The following STAG1 variants were observed in gnomAD, a reference collection of about 807,000 sequenced individuals.
STAG1 encodes the protein STAG1 cohesin complex component.
STAG1 carries 26 observed loss-of-function variants against 170.9 expected under a neutral mutation model. That is an observed-to-expected ratio of 0.15 (90% confidence interval 0.11 to 0.21). The LOEUF (loss-of-function observed/expected upper bound fraction) is 0.21. STAG1 is among the 10% of genes least tolerant of loss of function. The pLI, the probability that STAG1 is intolerant of heterozygous loss-of-function variation, is 1.00. For missense variants in STAG1, 964 were observed against 1,509.5 expected (o/e 0.64, Z 5.99); for synonymous variants, 514 against 497.7 (o/e 1.03, Z -0.44).
intron 24 of STAG1, 133 bp downstream of exon 24, chr3:136,368,975 G>T: frequency 1.4e-6 from 1 of 699,736 alleles, no homozygotes; most frequent in Non-Finnish European, 2.1e-6. Flanking sequence ...ACTGGTGTCA[G>T]CCACTGCACC....
intron 4 of STAG1, among the ~76,000 whole-genome samples, chr3:136,596,105 T>C (rs1480323469): frequency 1.3e-5 from 2 of 152,216 alleles, no homozygotes; most frequent in African/African-American, 2.4e-5. Context: ...ATTCTGAATA[T>C]TACATAAATT....
chr3:136,378,041 T>G (rs1217071045), intron 22 of STAG1, among the ~76,000 whole-genome samples: 1 of 152,164 alleles, frequency 6.6e-6, no homozygotes, highest in African/African-American at 2.4e-5. Context: ...TTGATTAAAA[T>G]TGCTAGTCAT....
At chr3:136,685,804 A>C (rs1427136698) in intron 1 of STAG1, among the ~76,000 whole-genome samples, 1 of 152,250 alleles carries the variant, frequency 6.6e-6, no homozygotes, top group Non-Finnish European at 1.5e-5. Flanking sequence ...GAGTATCAAA[A>C]TCAAAGTATA....
chr3:136,473,523 C>A lies in STAG1; in HGVS notation c.1125+16G>T. 1 of 1,556,676 alleles carries A rather than the reference C, an allele frequency of 6.4e-7. No homozygotes were observed. Among genetic ancestry groups the A allele is most frequent in the South Asian group, 1.2e-5 (1 of 86,942 alleles). ...AAAGAGAAAAATTAAATAAGCTTAT[C>A]ATTCTTGATGCTTACCTTGAATCGG... On this transcript the variant is annotated intron_variant, in intron 11 of 33. Transcript: ENST00000383202.
At chr3:136,563,691 A>G (rs879889499) in intron 5 of STAG1, among the ~76,000 whole-genome samples, 3 of 151,048 alleles carry the variant, frequency 2.0e-5, no homozygotes, top group Non-Finnish European at 4.4e-5. Flanking sequence ...CATACTGTAG[A>G]TATTATTCTG....
At chr3:136,540,822 C>CAAAAAAAAAAA (rs554338920) in intron 6 of STAG1, among the ~76,000 whole-genome samples, 696 of 46,336 alleles carry the variant, frequency 0.015, 116 homozygotes, top group Non-Finnish European at 0.02. Context: ...ACTGTGTCTC[C>CAAAAAAAAAAA]AAAAAAAAAA....
intron 4 of STAG1, among the ~76,000 whole-genome samples, chr3:136,603,558 T>C (rs1381028836): frequency 1.3e-5 from 2 of 152,174 alleles, no homozygotes; most frequent in East Asian, 3.9e-4. Flanking sequence ...GAATACTTAG[T>C]ATTTATGGAC....
At chr3:136,463,735 A>ATGTGTGTGTGTGTGTG (rs140989476) in intron 13 of STAG1, among the ~76,000 whole-genome samples, 45 of 101,216 alleles carry the variant, frequency 4.4e-4, no homozygotes, top group East Asian at 2.0e-3. Context: ...AAATGTGTAT[A>ATGTGTGTGTGTGTGTG]TGTGTGTGTG....
At chr3:136,361,763 C>T (rs1936870623) in intron 26 of STAG1, among the ~76,000 whole-genome samples, 1 of 152,040 alleles carries the variant, frequency 6.6e-6, no homozygotes, top group Admixed American at 6.6e-5. Context: ...GGGTGCGTGC[C>T]AACACATCTG....
chr3:136,419,776 C>T (rs760838595), intron 20 of STAG1, among the ~76,000 whole-genome samples: 2 of 151,876 alleles, frequency 1.3e-5, no homozygotes, highest in South Asian at 2.1e-4. Context: ...AATCTTATTT[C>T]TTACTTATTA....
intron 28 of STAG1, among the ~76,000 whole-genome samples, chr3:136,350,161 T>C (rs535228922): frequency 6.6e-6 from 1 of 152,084 alleles, no homozygotes; most frequent in African/African-American, 2.4e-5. Flanking sequence ...GAAAATCTAA[T>C]ACATTTTAGC....
At chr3:136,736,533 A>G (rs1195249648) in intron 1 of STAG1, 1 of 1,480,118 alleles carries the variant, frequency 6.8e-7, no homozygotes, top group Non-Finnish European at 9.4e-7. Context: ...TGGTCTCAGG[A>G]AGGTCCGATT....
At chr3:136,466,215 A>C (rs2089454533) in intron 12 of STAG1, among the ~76,000 whole-genome samples, 1 of 152,202 alleles carries the variant, frequency 6.6e-6, no homozygotes. Context: ...CAGCTAAAGG[A>C]GGAAGTTGGA....
intron 16 of STAG1, 104 bp downstream of exon 16, chr3:136,433,452 C>T (rs2088367874): frequency 1.3e-6 from 1 of 792,574 alleles, no homozygotes; most frequent in Non-Finnish European, 2.0e-6. Context: ...TTTATAAAAA[C>T]ACCATGTTTT....
chr3:136,453,827 G>A (rs1446285606), intron 13 of STAG1, among the ~76,000 whole-genome samples: 1 of 150,826 alleles, frequency 6.6e-6, no homozygotes, highest in East Asian at 1.9e-4. Context: ...CCTCTCAAAT[G>A]AGAGGCAAAA....
chr3:136,565,285 T>A (rs1193900799), intron 5 of STAG1, among the ~76,000 whole-genome samples: 1 of 152,108 alleles, frequency 6.6e-6, no homozygotes, highest in Non-Finnish European at 1.5e-5. Context: ...TGAAGTTAAA[T>A]ACTTGATAAA....
intron 1 of STAG1, among the ~76,000 whole-genome samples, chr3:136,682,295 GGT>G (rs1273217522): frequency 6.6e-6 from 1 of 151,588 alleles, no homozygotes; most frequent in African/African-American, 2.4e-5. Flanking sequence ...CGTGGTGGTG[GGT>G]GTCTGTAATC....
At chr3:136,344,157 G>T in intron 29 of STAG1, 151 bp from the exon 30 acceptor site, 1 of 553,494 alleles carries the variant, frequency 1.8e-6, no homozygotes, top group Non-Finnish European at 3.0e-6. Context: ...CTTTGTGTAA[G>T]TCATTAAACT....
At chr3:136,463,802 CATACAT>C (rs2107796603) in intron 13 of STAG1, among the ~76,000 whole-genome samples, 1 of 129,588 alleles carries the variant, frequency 7.7e-6, no homozygotes, top group Admixed American at 7.8e-5. Flanking sequence ...TATACATATA[CATACAT>C]ATATACACAT....
Sources: allele counts gnomAD v4.1 joint callset (sites outside exome capture counted in the v4.1 genomes callset), GRCh38; gene constraint gnomAD v4.1.1; transcripts MANE v1.5; gene names NCBI Gene and HGNC (gene_info 2026-07-23, HGNC 2026-07-21).